GMCL1: variants seen among roughly 807,000 people sequenced by gnomAD.
GMCL1 encodes germ cell-less 1, spermatogenesis associated, also known as germ cell-less protein-like 1.
GMCL1 carries 54 observed loss-of-function variants against 75.5 expected under a neutral mutation model. That is an observed-to-expected ratio of 0.71 (90% CI 0.57 to 0.90). The LOEUF is 0.90. Among genes scored for constraint, GMCL1 ranks in the 40% least tolerant of loss-of-function variants. GMCL1 has a pLI of 0.00. For synonymous variants in GMCL1, 210 were observed against 209.6 expected (o/e 1.00, Z -0.02); for missense variants, 537 against 622.7 (o/e 0.86, Z 1.47).
intron 9 of GMCL1, among the ~76,000 whole-genome samples, chr2:69,857,650 TA>T (rs1042769677): frequency 1.4e-4 from 21 of 152,228 alleles, no homozygotes; most frequent in African/African-American, 5.1e-4. Context: ...GGCTTCTCCA[TA>T]ATTTTGTGTT....
chr2:69,866,952 CTTTTTTTTTT>C (rs765802917), intron 11 of GMCL1, among the ~76,000 whole-genome samples: 23 of 146,744 alleles, frequency 1.6e-4, no homozygotes, highest in Admixed American at 4.1e-4. Flanking sequence ...TCTTTTCTTT[CTTTTTTTTTT>C]GAGACAGAGT....
intron 5 of GMCL1, among the ~76,000 whole-genome samples, chr2:69,843,717 G>C (rs1336786707): frequency 6.6e-6 from 1 of 152,174 alleles, no homozygotes; most frequent in African/African-American, 2.4e-5. Flanking sequence ...TTGAGCCCAG[G>C]AGGTTCAAGA....
At chr2:69,845,337 C>A (rs997484436) in intron 6 of GMCL1, among the ~76,000 whole-genome samples, 6 of 152,142 alleles carry the variant, frequency 3.9e-5, no homozygotes, top group African/African-American at 1.2e-4. Context: ...ATAATAGGAC[C>A]GCAGTCACCC....
At chr2:69,834,874 C>G (rs1164119074) in intron 1 of GMCL1, among the ~76,000 whole-genome samples, 2 of 151,882 alleles carry the variant, frequency 1.3e-5, no homozygotes, top group African/African-American at 4.8e-5. Context: ...TTATGCCTGT[C>G]TCTTCTTTTT....
intron 13 of GMCL1, among the ~76,000 whole-genome samples, chr2:69,876,596 A>G (rs1365993753): frequency 6.6e-6 from 1 of 152,214 alleles, no homozygotes; most frequent in African/African-American, 2.4e-5. Context: ...AAATGTGTAG[A>G]GAATATGACA....
At chr2:69,848,493 G>A (rs971937154) in intron 7 of GMCL1, among the ~76,000 whole-genome samples, 1 of 152,156 alleles carries the variant, frequency 6.6e-6, no homozygotes, top group African/African-American at 2.4e-5. Flanking sequence ...GATCGCTTGA[G>A]GCCTGGAGTT....
At chr2:69,830,916 T>A (rs888052800) in intron 1 of GMCL1, among the ~76,000 whole-genome samples, 1 of 152,194 alleles carries the variant, frequency 6.6e-6, no homozygotes, top group African/African-American at 2.4e-5. Flanking sequence ...TGAAATTTTT[T>A]AAATGATTTC....
rs141070454 is a variant in GMCL1 at position 69,840,679 on chromosome 2, C to T, written c.482-263C>T. Among the ~76,000 whole-genome samples, 393 of 152,246 alleles carry T rather than the reference C, an allele frequency of 2.6e-3. 2 individuals carry two copies. Among genetic ancestry groups the T allele is most frequent in the African/African-American group, 9.1e-3 (376 of 41,538 alleles). On this transcript the variant is annotated intron_variant, in intron 3 of 13. Transcript: ENST00000282570. ...TCTTGCAAGGCATCTTGGTTGTGAC[C>T]ACTGATGTCAAGATTACATGTTAGA...
At chr2:69,844,754 G>A (rs1466632760) in intron 6 of GMCL1, 1 of 246,228 alleles carries the variant, frequency 4.1e-6, no homozygotes, top group African/African-American at 2.2e-5. Flanking sequence ...TAGAGGTCAA[G>A]GTTGCAGTGA....
At chr2:69,847,652 TTA>T in intron 7 of GMCL1, 25 bp downstream of exon 7, 4 of 1,409,496 alleles carry the variant, frequency 2.8e-6, no homozygotes, top group Non-Finnish European at 4.0e-6. Flanking sequence ...TGATGTCATA[TTA>T]TACAAGGATG....
chr2:69,856,640 C>CTTTTTTT (rs34707640), intron 9 of GMCL1, among the ~76,000 whole-genome samples: 2 of 89,794 alleles, frequency 2.2e-5, no homozygotes, highest in African/African-American at 8.0e-5. Flanking sequence ...CTCTTCCCTC[C>CTTTTTTT]TTTTTTTTTT....
intron 11 of GMCL1, among the ~76,000 whole-genome samples, chr2:69,865,830 C>T (rs1400949345): frequency 2.0e-5 from 3 of 152,114 alleles, no homozygotes; most frequent in Non-Finnish European, 2.9e-5. Flanking sequence ...AGTGCAGTGG[C>T]GTGACCACAG....
chr2:69,845,295 C>T (rs1450854754), intron 6 of GMCL1, among the ~76,000 whole-genome samples: 1 of 152,220 alleles, frequency 6.6e-6, no homozygotes, highest in Non-Finnish European at 1.5e-5. Context: ...AAGATTTCTC[C>T]ATCACCTGTG....
intron 6 of GMCL1, 141 bp downstream of exon 6, chr2:69,844,337 A>G (rs1573348624): frequency 3.8e-6 from 2 of 519,780 alleles, no homozygotes; most frequent in African/African-American, 2.0e-5. Flanking sequence ...GACTACATCC[A>G]TAAACTGAAG....
chr2:69,878,894 A>C lies in GMCL1; in HGVS notation c.1453-15A>C. ...TTTATCTAATTGTCATTGAATCTAC[A>C]AATCTGTCTTATAGGAACAAGTGGT... On this transcript the variant is annotated splice_polypyrimidine_tract_variant and intron_variant, in intron 13 of 13. Transcript: ENST00000282570. 8.3e-6 allele frequency: 13 copies of C among 1,557,280 alleles called. No homozygotes were observed. The highest frequency in any genetic ancestry group is 1.2e-5 in the Non-Finnish European group (13 of 1,130,340).
chr2:69,833,619 A>C (rs1027963889), intron 1 of GMCL1, among the ~76,000 whole-genome samples: 6 of 152,268 alleles, frequency 3.9e-5, no homozygotes, highest in African/African-American at 7.2e-5. Context: ...CTGTCTCAAA[A>C]ACTAAACAAA....
At chr2:69,859,979 A>T (rs902292616) in intron 9 of GMCL1, among the ~76,000 whole-genome samples, 19 of 152,060 alleles carry the variant, frequency 1.2e-4, no homozygotes, top group African/African-American at 4.6e-4. Context: ...AAAGATAAAT[A>T]GTGCTGAGCC....
intron 8 of GMCL1, among the ~76,000 whole-genome samples, chr2:69,854,550 A>G (rs1675415466): frequency 6.6e-6 from 1 of 152,170 alleles, no homozygotes; most frequent in African/African-American, 2.4e-5. Flanking sequence ...TTCCTTTCCC[A>G]ACTTGCTGCA....
intron 6 of GMCL1, among the ~76,000 whole-genome samples, chr2:69,846,536 C>T (rs1309644065): frequency 1.3e-5 from 2 of 152,074 alleles, no homozygotes; most frequent in Admixed American, 1.3e-4. Context: ...GAAACCAATC[C>T]CCCACAGATA....
Sources: gnomAD v4.1 joint callset for allele counts (sites outside exome capture counted in the v4.1 genomes callset) on GRCh38, gnomAD v4.1.1 for gene constraint, MANE v1.5 for transcripts, NCBI Gene and HGNC (gene_info 2026-07-23, HGNC 2026-07-21) for gene names.